GYPB: variants seen among roughly 807,000 people sequenced by gnomAD.
GYPB encodes glycophorin B (MNS blood group).
In GYPB, 13 loss-of-function variants were observed where a neutral mutation model predicts 15.3. The observed-to-expected ratio is 0.85, with a 90% confidence interval of 0.55 to 1.35. The LOEUF (loss-of-function observed/expected upper bound fraction) is 1.35. Among genes scored for constraint, GYPB ranks in the 40% most tolerant of loss-of-function variants. GYPB has a pLI of 0.00. For missense variants in GYPB, 131 were observed against 108.3 expected, an observed-to-expected ratio of 1.21 and a Z score of -0.93; for synonymous variants, 38 against 36.9, an observed-to-expected ratio of 1.03 and a Z score of -0.11.
At chr4:144,015,209 A>G (rs1176503087) in intron 1 of GYPB, among the ~76,000 whole-genome samples, 3 of 151,458 alleles carry the variant, frequency 2.0e-5, no homozygotes, top group African/African-American at 4.9e-5. Flanking sequence ...GAAAATTTAG[A>G]AAGTATTCAA....
chr4:144,008,591 A>T, intron 1 of GYPB: 1 of 433,766 alleles, frequency 2.3e-6, no homozygotes, highest in East Asian at 7.0e-5. Flanking sequence ...ACAAAAGGGG[A>T]TTTCACATAT....
chr4:144,001,333 A>G lies in GYPB; in HGVS notation c.38-50T>C, dbSNP rs182037159. ...GGGATTAAGAACGAGGTGACTGAGC[A>G]GACCATAAAGCATATCACAAAAGAC... On this transcript the variant is annotated intron_variant, in intron 1 of 4. Transcript: ENST00000502664. 3.8e-5 allele frequency: 62 copies of G among 1,611,394 alleles called. 1 individual carries two copies. The highest frequency in any genetic ancestry group is 1.8e-4 in the Admixed American group (11 of 59,894).
At chr4:144,009,671 TG>T (rs1343011152) in intron 1 of GYPB, among the ~76,000 whole-genome samples, 2 of 115,620 alleles carry the variant, frequency 1.7e-5, no homozygotes, top group Non-Finnish European at 3.2e-5. Flanking sequence ...TGGAGTGCAG[TG>T]GCCCGATCTC....
At chr4:144,004,079 G>A (rs1727757568) in intron 1 of GYPB, among the ~76,000 whole-genome samples, 1 of 151,540 alleles carries the variant, frequency 6.6e-6, no homozygotes, top group Admixed American at 6.6e-5. Context: ...AAAACTGGTT[G>A]GTGGCCAAAT....
chr4:144,000,397 G>GA, intron 2 of GYPB: 2 of 1,071,852 alleles, frequency 1.9e-6, no homozygotes, highest in South Asian at 3.3e-5. Flanking sequence ...TTTCTTTTCT[G>GA]GAGGGGAAAC....
chr4:144,013,066 TC>T (rs1205784277), intron 1 of GYPB, among the ~76,000 whole-genome samples: 1 of 151,588 alleles, frequency 6.6e-6, no homozygotes, highest in African/African-American at 2.4e-5. Context: ...AGACTCTTTA[TC>T]CAGAACATAG....
Position 143,997,596 on chromosome 4 carries a change from C to G in GYPB, c.214G>C (p.Ala72Pro), listed in dbSNP as rs371763359. Reference sequence around the variant, plus strand: ...AAGAGGATCGTTCCAATAATACCAGCCATCACACACAAAATAATGAGTATT... The same window carrying G: ...AAGAGGATCGTTCCAATAATACCAGGCATCACACACAAAATAATGAGTATT... ...VIILIILCVM[A>P]GIIGTILLIS... is the part of the protein sequence containing the mutation. Residue 72 changes from alanine (A) to proline (P), a missense_variant, in exon 4 of 5, where the codon GCT becomes CCT. Transcript: ENST00000502664. 2 of 1,596,472 alleles carry G rather than the reference C, an allele frequency of 1.3e-6. No homozygotes were observed. The highest frequency in any genetic ancestry group is 2.8e-5 in the African/African-American group (2 of 72,674).
At chr4:143,996,662 G>T (rs1299877053) in intron 4 of GYPB, among the ~76,000 whole-genome samples, 3 of 150,504 alleles carry the variant, frequency 2.0e-5, no homozygotes, top group African/African-American at 5.0e-5. Flanking sequence ...CCCAATTACT[G>T]TGGAGGCTGA....
intron 1 of GYPB, among the ~76,000 whole-genome samples, chr4:144,015,540 A>T (rs577569350): frequency 2.0e-4 from 31 of 151,486 alleles, no homozygotes; most frequent in Admixed American, 6.6e-5. Flanking sequence ...TACTTCTCAA[A>T]TAGTCTCATA....
chr4:144,017,063 A>G (rs4340756), intron 1 of GYPB, among the ~76,000 whole-genome samples: 92,416 of 149,988 alleles, frequency 0.62, 29,782 homozygotes, highest in East Asian at 0.81. Flanking sequence ...TATTATCTGC[A>G]TTCCCTCCCA....
rs568889268 is a variant in GYPB, at chr4:144,018,407, A to C, written c.37+844T>G. Reference sequence around the variant, plus strand: ...CTGTATGCTACAGAGTGCTCAGTAGATCCTTGATACTTGCGCTCACTTGGG... The same window carrying C: ...CTGTATGCTACAGAGTGCTCAGTAGCTCCTTGATACTTGCGCTCACTTGGG... On this transcript the variant is annotated intron_variant, in intron 1 of 4. Coordinates refer to ENST00000502664, the MANE Select transcript of GYPB (RefSeq NM_002100.6). 6.4e-4 allele frequency among the ~76,000 whole-genome samples: 97 copies of C among 151,070 alleles called. 4 individuals carry two copies. Among genetic ancestry groups the C allele is most frequent in the African/African-American group, 2.2e-3 (88 of 40,468 alleles).
chr4:144,003,223 C>A (rs898570630), intron 1 of GYPB, among the ~76,000 whole-genome samples: 18 of 151,328 alleles, frequency 1.2e-4, no homozygotes, highest in African/African-American at 4.2e-4. Flanking sequence ...TGGCTTATTT[C>A]TAGATAGATG....
intron 1 of GYPB, among the ~76,000 whole-genome samples, chr4:144,007,573 C>A (rs578079775): frequency 1.3e-5 from 2 of 151,138 alleles, no homozygotes; most frequent in South Asian, 4.2e-4. Flanking sequence ...AGAAAAAAAT[C>A]GGTCAGTCTG....
At chr4:144,014,014 A>C (rs1483914789) in intron 1 of GYPB, among the ~76,000 whole-genome samples, 1 of 151,624 alleles carries the variant, frequency 6.6e-6, no homozygotes. Context: ...TCTCAGCATC[A>C]TTAGTTATTA....
chr4:144,001,421 T>G (rs1174751204), intron 1 of GYPB, 138 bp from the exon 2 acceptor site: 2 of 1,472,390 alleles, frequency 1.4e-6, no homozygotes, highest in African/African-American at 2.9e-5. Flanking sequence ...TTACATAATC[T>G]TTAGAGAATT....
At chr4:144,002,555 A>C in intron 1 of GYPB, 22 of 1,270,628 alleles carry the variant, frequency 1.7e-5, no homozygotes, top group Non-Finnish European at 2.2e-5. Context: ...CAGTACCCTG[A>C]ACTCTGTAGA....
At chr4:144,001,446 A>T (rs1727623691) in intron 1 of GYPB, among the ~76,000 whole-genome samples, 163 bp from the exon 2 acceptor site, 2 of 151,468 alleles carry the variant, frequency 1.3e-5, no homozygotes, top group Non-Finnish European at 1.5e-5. Context: ...CGTGGTAAGT[A>T]TTGTATTATT....
chr4:144,001,074 C>A (rs145199722), intron 2 of GYPB, 111 bp downstream of exon 2: 2 of 1,562,750 alleles, frequency 1.3e-6, no homozygotes, highest in Non-Finnish European at 1.7e-6. Flanking sequence ...CTACTTAGCT[C>A]GCATTTCTCA....
At chr4:144,011,970 T>G (rs1451087095) in intron 1 of GYPB, among the ~76,000 whole-genome samples, 1 of 152,152 alleles carries the variant, frequency 6.6e-6, no homozygotes, top group Non-Finnish European at 1.5e-5. Flanking sequence ...TGTTTTGTAT[T>G]TATTTCCTTC....
Sources: gnomAD v4.1 joint callset for allele counts (sites outside exome capture counted in the v4.1 genomes callset) on GRCh38, gnomAD v4.1.1 for gene constraint, MANE v1.5 for transcripts, NCBI Gene and HGNC (gene_info 2026-07-23, HGNC 2026-07-21) for gene names.